KCNQ5: variants seen among roughly 807,000 people sequenced by gnomAD.
The protein encoded by KCNQ5 is potassium voltage-gated channel subfamily Q member 5, also known as potassium voltage-gated channel subfamily KQT member 5.
Under a neutral mutation model 98.2 loss-of-function variants are expected in KCNQ5, and 30 were observed. The ratio of observed to expected loss-of-function variants is 0.31; its 90% CI spans 0.23 to 0.41. KCNQ5 has a LOEUF of 0.41. Ranked by LOEUF, KCNQ5 falls within the 10% of genes least tolerant of loss-of-function variation. The pLI, the probability that KCNQ5 is intolerant of heterozygous loss-of-function variation, is 1.00. For missense variants in KCNQ5, 835 were observed against 1,182.5 expected, an observed-to-expected ratio of 0.71 and a Z score of 4.31; for synonymous variants, 458 against 449.4, an observed-to-expected ratio of 1.02 and a Z score of -0.24.
intron 1 of KCNQ5, among the ~76,000 whole-genome samples, chr6:72,794,307 C>T (rs545015444): frequency 3.3e-4 from 47 of 142,030 alleles, no homozygotes; most frequent in African/African-American, 1.1e-3. Flanking sequence ...TTAGAAAGTA[C>T]GAAAAATTTA....
At position 72,826,563 on chromosome 6, in the gene KCNQ5, T is replaced by A. The variant is rs1006939463; in HGVS notation, c.399-177345T>A. On this transcript the variant is annotated intron_variant, in intron 1 of 13. Coordinates refer to ENST00000370398, the MANE Select transcript of KCNQ5 (RefSeq NM_019842.4). ...GTTCCTGCTATAATCTTCTTTTTTT[T>A]AATTGTTCTTGGGTTTTAAAAAAAT... is the stretch of plus-strand genomic sequence containing the variant. 3.4e-4 allele frequency among the ~76,000 whole-genome samples: 51 copies of A among 152,074 alleles called. 1 individual carries two copies. Among genetic ancestry groups the A allele is most frequent in the African/African-American group, 1.2e-3 (50 of 41,396 alleles).
chr6:72,784,902 C>T (rs1366628173), intron 1 of KCNQ5, among the ~76,000 whole-genome samples: 1 of 152,170 alleles, frequency 6.6e-6, no homozygotes, highest in African/African-American at 2.4e-5. Context: ...GTAATGGATT[C>T]TGGATTAACC....
chr6:72,779,400 ATGTG>A (rs1323746284), intron 1 of KCNQ5, among the ~76,000 whole-genome samples: 1 of 152,216 alleles, frequency 6.6e-6, no homozygotes, highest in Non-Finnish European at 1.5e-5. Flanking sequence ...GTTTGTGAGA[ATGTG>A]TGTATGTCTC....
intron 3 of KCNQ5, among the ~76,000 whole-genome samples, chr6:73,074,357 C>A (rs1042815422): frequency 5.3e-5 from 8 of 152,176 alleles, no homozygotes; most frequent in African/African-American, 1.9e-4. Context: ...TTTGTGACTG[C>A]ACTCACTGTT....
intron 10 of KCNQ5, among the ~76,000 whole-genome samples, chr6:73,149,729 G>A (rs1298265863): frequency 2.6e-5 from 4 of 151,640 alleles, no homozygotes; most frequent in East Asian, 1.9e-4. Context: ...CCTGGCAGGC[G>A]GAGGCTGCAG....
chr6:72,895,069 G>A (rs1779192085), intron 1 of KCNQ5, among the ~76,000 whole-genome samples: 1 of 147,870 alleles, frequency 6.8e-6, no homozygotes, highest in Non-Finnish European at 1.5e-5. Flanking sequence ...ACGAGGTCAG[G>A]AGATCGAGAC....
chr6:72,714,053 G>A (rs921277924), intron 1 of KCNQ5, among the ~76,000 whole-genome samples: 3 of 152,126 alleles, frequency 2.0e-5, no homozygotes, highest in Non-Finnish European at 4.4e-5. Flanking sequence ...TCAAATGTTA[G>A]CTCACCTATG....
At chr6:72,959,766 G>C (rs1007303953) in intron 1 of KCNQ5, among the ~76,000 whole-genome samples, 1 of 152,166 alleles carries the variant, frequency 6.6e-6, no homozygotes. Flanking sequence ...AACTGAAACT[G>C]TTGGTGAATG....
chr6:73,192,417 C>T, intron 12 of KCNQ5, 148 bp from the exon 13 acceptor site: 3 of 589,974 alleles, frequency 5.1e-6, no homozygotes, highest in Non-Finnish European at 8.1e-6. Flanking sequence ...TTCAAATAAG[C>T]ATATCAACTG....
At position 72,885,448 on chromosome 6, in the gene KCNQ5, G is replaced by A. The variant is rs574576498; in HGVS notation, c.399-118460G>A. 7.9e-5 allele frequency among the ~76,000 whole-genome samples: 12 copies of A among 152,270 alleles called. No individual in the cohort carries two copies. The South Asian group carries it at 1.9e-3, about 24-fold the overall frequency. On this transcript the variant is annotated intron_variant, in intron 1 of 13. Transcript: ENST00000370398. Reference sequence around the variant, plus strand: ...AAGTCCAGCTTAGGCAACATAGTGAGACACTCTCTCTAAAAAGAATTTTAA... The same window carrying A: ...AAGTCCAGCTTAGGCAACATAGTGAAACACTCTCTCTAAAAAGAATTTTAA...
intron 3 of KCNQ5, among the ~76,000 whole-genome samples, chr6:73,068,723 A>G (rs981160619): frequency 6.6e-6 from 1 of 152,182 alleles, no homozygotes; most frequent in Non-Finnish European, 1.5e-5. Flanking sequence ...TTTTTTATTA[A>G]TCCATCCTCA....
At chr6:73,000,710 C>T (rs1769528613) in intron 1 of KCNQ5, among the ~76,000 whole-genome samples, 1 of 152,166 alleles carries the variant, frequency 6.6e-6, no homozygotes, top group Non-Finnish European at 1.5e-5. Context: ...ATTCCATTCT[C>T]ATTTCTACTA....
At chr6:73,126,260 A>G (rs766042387) in intron 9 of KCNQ5, among the ~76,000 whole-genome samples, 1 of 152,226 alleles carries the variant, frequency 6.6e-6, no homozygotes, top group Non-Finnish European at 1.5e-5. Flanking sequence ...GCGATCACCC[A>G]TCTTAGATTC....
At chr6:72,659,359 T>A (rs1766389532) in intron 1 of KCNQ5, among the ~76,000 whole-genome samples, 1 of 152,192 alleles carries the variant, frequency 6.6e-6, no homozygotes, top group African/African-American at 2.4e-5. Flanking sequence ...AACTCCATTT[T>A]TCTAGCCACT....
chr6:73,163,823 A>G (rs927251326), intron 10 of KCNQ5, among the ~76,000 whole-genome samples: 5 of 149,214 alleles, frequency 3.4e-5, no homozygotes, highest in African/African-American at 1.3e-4. Context: ...TTGATGCAGT[A>G]GGAAAGCACT....
chr6:73,065,999 A>G (rs1024860462), intron 3 of KCNQ5, among the ~76,000 whole-genome samples: 12 of 152,176 alleles, frequency 7.9e-5, no homozygotes, highest in Non-Finnish European at 1.6e-4. Flanking sequence ...ATACAAAATT[A>G]GCCTGGAGTG....
At chr6:72,765,703 G>A (rs1772533821) in intron 1 of KCNQ5, among the ~76,000 whole-genome samples, 1 of 151,996 alleles carries the variant, frequency 6.6e-6, no homozygotes, top group South Asian at 2.1e-4. Flanking sequence ...TCACAGGTAA[G>A]CTGTTTAGAT....
intron 1 of KCNQ5, among the ~76,000 whole-genome samples, chr6:72,906,859 A>G (rs1204714506): frequency 2.0e-5 from 3 of 152,106 alleles, no homozygotes. Context: ...TCAAGATATA[A>G]GCCTCCACAC....
chr6:72,815,745 A>G (rs576604122), intron 1 of KCNQ5, among the ~76,000 whole-genome samples: 20 of 152,310 alleles, frequency 1.3e-4, no homozygotes, highest in Non-Finnish European at 1.8e-4. Flanking sequence ...AGACTGGTGC[A>G]AGAGGGATTT....
Sources: allele counts gnomAD v4.1 joint callset (sites outside exome capture counted in the v4.1 genomes callset), GRCh38; gene constraint gnomAD v4.1.1; transcripts MANE v1.5; gene names NCBI Gene and HGNC (gene_info 2026-07-23, HGNC 2026-07-21).